The following VAV3 variants were observed in gnomAD, a reference collection of about 807,000 sequenced individuals.
The protein encoded by VAV3 is guanine nucleotide exchange factor VAV3.
Under a neutral mutation model 131.2 loss-of-function variants are expected in VAV3, and 94 were observed. The observed-to-expected ratio is 0.72, with a 90% CI of 0.61 to 0.85. The LOEUF (loss-of-function observed/expected upper bound fraction) is 0.85, where lower values mean the gene tolerates loss of function less well. Ranked by LOEUF, VAV3 falls within the 40% of genes least tolerant of loss-of-function variation. The pLI is 0.00. For missense variants in VAV3, 939 were observed against 1,002.7 expected (o/e 0.94, Z 0.86); for synonymous variants, 349 against 342.0 (o/e 1.02, Z -0.22).
At chr1:107,588,966 T>C (rs1570568886) in intron 25 of VAV3, among the ~76,000 whole-genome samples, 1 of 152,182 alleles carries the variant, frequency 6.6e-6, no homozygotes, top group East Asian at 1.9e-4. Context: ...GATAAGGCAT[T>C]TCACCATGGA....
intron 19 of VAV3, among the ~76,000 whole-genome samples, chr1:107,682,169 A>G (rs1346332868): frequency 6.6e-6 from 1 of 152,180 alleles, no homozygotes; most frequent in Non-Finnish European, 1.5e-5. Context: ...AATCTAAATA[A>G]TGTAAGGGAT....
intron 12 of VAV3, among the ~76,000 whole-genome samples, chr1:107,754,364 A>G (rs1430901420): frequency 6.6e-6 from 1 of 152,206 alleles, no homozygotes; most frequent in Non-Finnish European, 1.5e-5. Flanking sequence ...ATGTGGCTGC[A>G]TGTGTGAAAA....
At chr1:107,613,057 C>A (rs923269717) in intron 21 of VAV3, among the ~76,000 whole-genome samples, 3 of 152,064 alleles carry the variant, frequency 2.0e-5, no homozygotes. Flanking sequence ...AGTATTGGTC[C>A]AATAGGAGCT....
At chr1:107,767,146 C>G (rs1026242864) in intron 7 of VAV3, among the ~76,000 whole-genome samples, 1 of 152,134 alleles carries the variant, frequency 6.6e-6, no homozygotes, top group African/African-American at 2.4e-5. Flanking sequence ...AATAATCAGA[C>G]TAAATTACTT....
chr1:107,603,836 C>G (rs905427707), intron 22 of VAV3, among the ~76,000 whole-genome samples: 22 of 136,096 alleles, frequency 1.6e-4, no homozygotes, highest in Non-Finnish European at 2.5e-4. Context: ...GACAGAGCTT[C>G]TCTCTCTTGC....
rs141912079 is a variant in VAV3 at position 107,667,866 on chromosome 1, G to A, written c.1777+15622C>T. On this transcript the variant is annotated intron_variant, in intron 19 of 26. Transcript: ENST00000370056. ...AGATCTAAAACTCTATGTGGAATGA[G>A]CTTCCTTCCTTGCTTGGAATCGTAG... Among the ~76,000 whole-genome samples the A allele has an allele frequency of 5.9e-5, 9 of 152,248 alleles. No homozygotes were observed. In the East Asian group the frequency reaches 1.7e-3, roughly 29 times the overall value.
intron 23 of VAV3, among the ~76,000 whole-genome samples, 187 bp downstream of exon 23, chr1:107,602,860 A>C (rs945214623): frequency 1.3e-5 from 2 of 152,358 alleles, no homozygotes; most frequent in South Asian, 4.1e-4. Context: ...GCCAATTAGC[A>C]ACCTATAACA....
intron 19 of VAV3, among the ~76,000 whole-genome samples, chr1:107,666,131 C>G (rs775571777): frequency 2.0e-5 from 3 of 152,090 alleles, no homozygotes; most frequent in South Asian, 4.1e-4. Context: ...CTTACCCTTC[C>G]TCTTCACTGT....
intron 15 of VAV3, among the ~76,000 whole-genome samples, chr1:107,745,724 A>G (rs910669158): frequency 3.3e-5 from 5 of 152,214 alleles, no homozygotes; most frequent in African/African-American, 1.2e-4. Flanking sequence ...GTGATTTGCA[A>G]TAATTTTAAA....
At position 107,874,971 on chromosome 1, in the gene VAV3, T is replaced by C; in HGVS notation, c.251A>G (p.Glu84Gly). 1 of 1,613,380 alleles carries C rather than the reference T, an allele frequency of 6.2e-7. No homozygotes were observed. The highest frequency in any genetic ancestry group is 8.5e-7 in the Non-Finnish European group (1 of 1,179,564). Residue 84 changes from glutamate (E) to glycine (G), a missense_variant, in exon 2 of 27, where the codon GAG becomes GGG. Glu to Gly is a moderately conservative substitution (Grantham distance 98). Transcript: ENST00000370056. ...TTCACTTTTCCTCATTCCAAACGTC[T>C]CACAACAGGCCGTGAGAAATGTCCT... ...NIRTFLTACC[E>G]TFGMRKSELF...
chr1:107,761,111 C>T (rs868537768), intron 9 of VAV3, among the ~76,000 whole-genome samples: 2 of 152,056 alleles, frequency 1.3e-5, no homozygotes, highest in South Asian at 2.1e-4. Context: ...TTTTCTTGGC[C>T]GGGCGCGGTG....
chr1:107,890,192 G>C (rs1403633864), intron 1 of VAV3, among the ~76,000 whole-genome samples: 4 of 152,076 alleles, frequency 2.6e-5, no homozygotes, highest in African/African-American at 9.7e-5. Flanking sequence ...ACATATATCG[G>C]AGTCCACAGT....
chr1:107,914,807 A>T (rs529958897), intron 1 of VAV3, among the ~76,000 whole-genome samples: 6 of 152,350 alleles, frequency 3.9e-5, no homozygotes, highest in African/African-American at 1.4e-4. Flanking sequence ...ACAGAAAAGA[A>T]AAACAAGATT....
chr1:107,659,167 T>C (rs936132392), intron 19 of VAV3, among the ~76,000 whole-genome samples: 2 of 152,120 alleles, frequency 1.3e-5, no homozygotes, highest in African/African-American at 4.8e-5. Flanking sequence ...TTTCTACATA[T>C]GGCTAGCCAG....
chr1:107,737,003 A>G (rs968491155), intron 15 of VAV3, among the ~76,000 whole-genome samples: 2 of 152,218 alleles, frequency 1.3e-5, no homozygotes, highest in Admixed American at 6.5e-5. Flanking sequence ...GTACCAAAAC[A>G]GAGATATAGA....
At position 107,915,926 on chromosome 1, in the gene VAV3, T is replaced by C. The variant is rs571837565; in HGVS notation, c.205-40909A>G. Among the ~76,000 whole-genome samples, 16 of 151,124 alleles carry C rather than the reference T, an allele frequency of 1.1e-4. No individual in the cohort carries two copies. The East Asian group carries it at 2.7e-3, about 26-fold the overall frequency. ...GGAAAATTAGACACTATACAAATAATAACAACACTGGAAAGCATCACAAAA... is the reference window on the plus strand; with the variant it reads ...GGAAAATTAGACACTATACAAATAACAACAACACTGGAAAGCATCACAAAA... On this transcript the variant is annotated intron_variant, in intron 1 of 26. Coordinates refer to ENST00000370056, the MANE Select transcript of VAV3 (RefSeq NM_006113.5).
chr1:107,891,708 G>A (rs144405584), intron 1 of VAV3, among the ~76,000 whole-genome samples: 1 of 151,954 alleles, frequency 6.6e-6, no homozygotes, highest in Non-Finnish European at 1.5e-5. Context: ...ATGTGGTGGT[G>A]TATGCCTGTA....
chr1:107,903,899 A>G (rs1376291094), intron 1 of VAV3, among the ~76,000 whole-genome samples: 1 of 152,106 alleles, frequency 6.6e-6, no homozygotes, highest in East Asian at 1.9e-4. Flanking sequence ...CCAATCCATC[A>G]GCAGCTCCTC....
intron 2 of VAV3, among the ~76,000 whole-genome samples, chr1:107,842,559 C>T (rs1432966450): frequency 6.6e-6 from 1 of 152,222 alleles, no homozygotes; most frequent in Non-Finnish European, 1.5e-5. Flanking sequence ...TCTCTTTTCT[C>T]TCCCATGCAG....
Sources: gnomAD v4.1 joint callset for allele counts (sites outside exome capture counted in the v4.1 genomes callset) on GRCh38, gnomAD v4.1.1 for gene constraint, MANE v1.5 for transcripts, NCBI Gene and HGNC (gene_info 2026-07-23, HGNC 2026-07-21) for gene names.